The following APOD variants were observed in gnomAD, a reference collection of about 807,000 sequenced individuals.
APOD encodes the protein apo-D.
A neutral mutation model predicts 20.4 loss-of-function variants in APOD; 22 were observed. The ratio of observed to expected loss-of-function variants is 1.08; its 90% CI spans 0.77 to 1.54. The LOEUF (loss-of-function observed/expected upper bound fraction) is 1.54, where lower values mean the gene tolerates loss of function less well. Among genes scored for constraint, APOD ranks in the 40% most tolerant of loss-of-function variants. APOD has a pLI of 0.00. For missense variants in APOD, 223 were observed against 229.6 expected (o/e 0.97, Z 0.19); for synonymous variants, 97 against 92.4 (o/e 1.05, Z -0.29).
At chr3:195,579,937 A>G (rs1043558475) in intron 1 of APOD, among the ~76,000 whole-genome samples, 1 of 152,160 alleles carries the variant, frequency 6.6e-6, no homozygotes, top group African/African-American at 2.4e-5. Context: ...ACCAAACCAA[A>G]TGTTGCCCAA....
Position 195,571,335 on chromosome 3 carries a change from A to G in APOD, c.276T>C (p.Gly92=), listed in dbSNP as rs1411048994. The G allele has an allele frequency of 1.9e-6, 3 of 1,614,116 alleles. No individual in the cohort carries two copies. The highest frequency in any genetic ancestry group is 1.1e-5 in the South Asian group (1 of 91,076). ...CTGTGAGGTTAACTGGGGTGGCTTCACCTTCGATTTGATTCACAGTTCCAT... is the reference window on the plus strand; with the variant it reads ...CTGTGAGGTTAACTGGGGTGGCTTCGCCTTCGATTTGATTCACAGTTCCAT... ...RADGTVNQIE[G]EATPVNLTEP... The change falls in exon 4 of 5, where the codon GGT becomes GGC. Residue 92 remains glycine, a synonymous_variant. Coordinates refer to ENST00000343267, the MANE Select transcript of APOD (RefSeq NM_001647.4).
At chr3:195,575,965 T>C (rs776567678) in intron 2 of APOD, among the ~76,000 whole-genome samples, 1 of 152,162 alleles carries the variant, frequency 6.6e-6, no homozygotes, top group Non-Finnish European at 1.5e-5. Context: ...TGCGCTCACC[T>C]TCAGAGTCAG....
At chr3:195,582,051 C>T (rs528607792) in intron 1 of APOD, among the ~76,000 whole-genome samples, 1 of 148,380 alleles carries the variant, frequency 6.7e-6, no homozygotes, top group Non-Finnish European at 1.5e-5. Flanking sequence ...TGCCTGTAAT[C>T]CCATGCTGCC....
chr3:195,570,920 G>A lies in APOD; in HGVS notation c.334+357C>T, dbSNP rs74733884. 2,465 of 262,268 alleles carry A rather than the reference G, an allele frequency of 9.4e-3. 74 individuals carry two copies. The highest frequency in any genetic ancestry group is 0.05 in the African/African-American group (2,317 of 46,504). The allele number at this position is 262,268 out of a possible 1,614,324, so 16.2% of individuals were successfully genotyped here. ...GGTTGTTCTGCTAATATCTGCTAAT[G>A]TTTCGGGCCCCAGTTTCCTTTGGGA... is the stretch of plus-strand genomic sequence containing the variant. On this transcript the variant is annotated intron_variant, in intron 4 of 4. Transcript: ENST00000343267.
intron 2 of APOD, chr3:195,577,224 C>A: frequency 6.1e-6 from 2 of 325,772 alleles, no homozygotes; most frequent in South Asian, 2.4e-5. Context: ...GAAGAAAATT[C>A]CATTTACAAT....
intron 1 of APOD, among the ~76,000 whole-genome samples, chr3:195,581,790 T>C (rs1191396269): frequency 2.0e-5 from 3 of 152,230 alleles, no homozygotes; most frequent in African/African-American, 7.2e-5. Flanking sequence ...ACAGATTCTT[T>C]ACCTCAGTAG....
At chr3:195,577,307 A>G (rs1438424186) in intron 2 of APOD, 4 of 218,610 alleles carry the variant, frequency 1.8e-5, no homozygotes, top group East Asian at 1.7e-4. Context: ...TGAAAACTAC[A>G]AAGTATTGTT....
At chr3:195,582,128 A>G (rs901299654) in intron 1 of APOD, among the ~76,000 whole-genome samples, 3 of 152,120 alleles carry the variant, frequency 2.0e-5, no homozygotes, top group African/African-American at 7.2e-5. Flanking sequence ...CGGGAGGTGG[A>G]GGTTGTGGTG....
At chr3:195,575,308 G>A (rs1275349563) in intron 2 of APOD, among the ~76,000 whole-genome samples, 13 of 152,138 alleles carry the variant, frequency 8.5e-5, no homozygotes, top group African/African-American at 3.1e-4. Context: ...AGTTCCCCTG[G>A]ATAATCAAGG....
chr3:195,577,163 G>C (rs1267185510), intron 2 of APOD: 1 of 349,976 alleles, frequency 2.9e-6, no homozygotes, highest in Non-Finnish European at 5.5e-6. Flanking sequence ...CTCCACCCTG[G>C]GTGACAAAGT....
intron 3 of APOD, 110 bp downstream of exon 3, chr3:195,573,740 C>A: frequency 7.3e-7 from 1 of 1,371,550 alleles, no homozygotes. Flanking sequence ...TAGGAGCAGG[C>A]AGTCCCGATC....
intron 1 of APOD, among the ~76,000 whole-genome samples, chr3:195,581,820 C>T (rs1034610450): frequency 3.3e-5 from 5 of 152,228 alleles, no homozygotes; most frequent in Non-Finnish European, 7.3e-5. Flanking sequence ...AGAACAACCC[C>T]TTTGACTGAC....
At position 195,568,840 on chromosome 3, in the gene APOD, G is replaced by T. The variant is rs1720104910; in HGVS notation, c.*60C>A. On this transcript the variant is annotated 3_prime_UTR_variant, in exon 5 of 5. Coordinates refer to ENST00000343267, the MANE Select transcript of APOD (RefSeq NM_001647.4). The stretch of plus-strand genomic sequence containing the variant: ...GATTGGTTTGTCTTTATGGGGGGGG[G>T]GTAGGGGAAAGCGAAGCAGAAGTAA... 6 of 1,253,522 alleles carry T rather than the reference G, an allele frequency of 4.8e-6. No homozygotes were observed. Among genetic ancestry groups the T allele is most frequent in the Non-Finnish European group, 5.7e-6 (5 of 871,272 alleles). 77.6% of individuals were successfully genotyped at this position (1,253,522 alleles called of 1,614,324 possible).
intron 4 of APOD, among the ~76,000 whole-genome samples, chr3:195,570,128 C>T (rs1031126769): frequency 3.3e-5 from 5 of 152,144 alleles, no homozygotes; most frequent in African/African-American, 7.2e-5. Context: ...CAAGGCCTAA[C>T]GCAAACATCT....
chr3:195,570,365 G>A (rs964214656), intron 4 of APOD, among the ~76,000 whole-genome samples: 19 of 152,326 alleles, frequency 1.2e-4, no homozygotes, highest in Non-Finnish European at 1.9e-4. Flanking sequence ...TTTACAGAGC[G>A]TGTGTATCTG....
chr3:195,569,694 A>G (rs1479007379), intron 4 of APOD, among the ~76,000 whole-genome samples: 1 of 150,280 alleles, frequency 6.7e-6, no homozygotes, highest in African/African-American at 2.5e-5. Flanking sequence ...CAAGCCTTTT[A>G]ATGTGGCATT....
chr3:195,569,286 G>A (rs1199992306), intron 4 of APOD, 151 bp from the exon 5 acceptor site: 2 of 683,700 alleles, frequency 2.9e-6, no homozygotes, highest in East Asian at 5.4e-5. Context: ...CTGGAAAGAA[G>A]TTTGGACGAA....
intron 1 of APOD, 65 bp from the exon 2 acceptor site, chr3:195,579,560 T>C: frequency 6.5e-7 from 1 of 1,533,378 alleles, no homozygotes; most frequent in Non-Finnish European, 8.8e-7. Context: ...AATCATGAAG[T>C]AAGAGTGCTG....
chr3:195,569,121 G>A lies in APOD; in HGVS notation c.349C>T (p.Pro117Ser). ...TAGTCGGTGGCCAGGATCCAGTACG[G>A]TGCCGATGGCATAACTGAGAACCAG... ...VKFSWFMPSA[P>S]YWILATDYEN... Residue 117 changes from proline to serine, a missense_variant, in exon 5 of 5, where the codon CCG becomes TCG. Pro to Ser is a moderately conservative substitution (Grantham distance 74). Coordinates refer to ENST00000343267, the MANE Select transcript of APOD (RefSeq NM_001647.4). 2 of 1,614,046 alleles carry A rather than the reference G, an allele frequency of 1.2e-6. No homozygotes were observed. Among genetic ancestry groups the A allele is most frequent in the Non-Finnish European group, 1.7e-6 (2 of 1,179,968 alleles).
Sources: gnomAD v4.1 joint callset for allele counts (sites outside exome capture counted in the v4.1 genomes callset) on GRCh38, gnomAD v4.1.1 for gene constraint, MANE v1.5 for transcripts, NCBI Gene and HGNC (gene_info 2026-07-23, HGNC 2026-07-21) for gene names.